RBPJ: variants seen among roughly 807,000 people sequenced by gnomAD.
The protein encoded by RBPJ is recombination signal binding protein for immunoglobulin kappa J region, also known as recombining binding protein suppressor of hairless.
RBPJ carries 9 observed loss-of-function variants against 67.8 expected under a neutral mutation model. That is an observed-to-expected ratio of 0.13 (90% CI 0.08 to 0.23). The LOEUF is 0.23. Ranked by LOEUF, RBPJ falls within the 10% of genes least tolerant of loss-of-function variation. RBPJ has a pLI of 1.00. For synonymous variants in RBPJ, 198 were observed against 203.3 expected, an observed-to-expected ratio of 0.97 and a Z score of 0.22; for missense variants, 305 against 595.6, an observed-to-expected ratio of 0.51 and a Z score of 5.08.
the RBPJ span, among the ~76,000 whole-genome samples, chr4:26,108,473 C>CA: frequency 5.9e-5 from 9 of 152,148 alleles, no homozygotes; most frequent in African/African-American, 1.9e-4. Context: ...AATTCCAAGC[C>CA]AAAAAAACAA....
the RBPJ span, among the ~76,000 whole-genome samples, chr4:26,134,550 T>C: frequency 4.2e-3 from 646 of 152,262 alleles, 2 homozygotes; most frequent in Middle Eastern, 6.8e-3. Flanking sequence ...CTTTGGCCAA[T>C]GGTTTTCCTG....
chr4:26,263,174 T>G (rs761003653), intron 1 of RBPJ, among the ~76,000 whole-genome samples: 56 of 152,256 alleles, frequency 3.7e-4, no homozygotes, highest in Non-Finnish European at 4.1e-4. Flanking sequence ...TAAACCCGAA[T>G]ATAAAACTGC....
intron 1 of RBPJ, among the ~76,000 whole-genome samples, chr4:26,266,612 G>T (rs746090096): frequency 5.3e-5 from 8 of 152,152 alleles, no homozygotes; most frequent in Non-Finnish European, 7.3e-5. Flanking sequence ...TCAGGAGAAA[G>T]AAAAATTCCT....
At chr4:26,290,466 G>C (rs1013971983) in intron 1 of RBPJ, among the ~76,000 whole-genome samples, 9 of 150,506 alleles carry the variant, frequency 6.0e-5, no homozygotes, top group Non-Finnish European at 1.2e-4. Context: ...AGTTTGGCCT[G>C]GGTGTGAGAA....
chr4:26,222,262 G>A (rs902478992), intron 1 of RBPJ, among the ~76,000 whole-genome samples: 10 of 152,166 alleles, frequency 6.6e-5, no homozygotes, highest in African/African-American at 2.4e-4. Flanking sequence ...GGGAGGCCGA[G>A]GCATGTGGAT....
At chr4:26,395,626 G>T (rs1425648526) in intron 2 of RBPJ, among the ~76,000 whole-genome samples, 1 of 152,002 alleles carries the variant, frequency 6.6e-6, no homozygotes, top group Non-Finnish European at 1.5e-5. Flanking sequence ...TTCCTTTGTT[G>T]CCCTGTGATC....
intron 2 of RBPJ, among the ~76,000 whole-genome samples, chr4:26,396,393 C>G (rs1405843126): frequency 6.6e-6 from 1 of 152,206 alleles, no homozygotes; most frequent in African/African-American, 2.4e-5. Flanking sequence ...ACTATGCGGT[C>G]TGATCCCTGG....
chr4:26,372,065 A>G (rs1729209419), intron 1 of RBPJ, among the ~76,000 whole-genome samples: 1 of 152,230 alleles, frequency 6.6e-6, no homozygotes, highest in East Asian at 1.9e-4. Flanking sequence ...TGATACTTAA[A>G]TGAGAATACA....
chr4:26,362,930 T>C (rs911092795), intron 1 of RBPJ, among the ~76,000 whole-genome samples: 1 of 152,218 alleles, frequency 6.6e-6, no homozygotes, highest in African/African-American at 2.4e-5. Flanking sequence ...ATTATTCATG[T>C]ATTACTCTGT....
the RBPJ span, among the ~76,000 whole-genome samples, chr4:26,139,955 T>C: frequency 6.6e-6 from 1 of 152,082 alleles, no homozygotes; most frequent in Non-Finnish European, 1.5e-5. Flanking sequence ...ATGAGAGGGG[T>C]GGGACAGAAT....
chr4:26,305,040 G>A (rs774008389), intron 1 of RBPJ, among the ~76,000 whole-genome samples: 1 of 152,068 alleles, frequency 6.6e-6, no homozygotes, highest in Non-Finnish European at 1.5e-5. Flanking sequence ...CAGGCCCAAT[G>A]TCATTCTTTT....
At chr4:26,307,573 G>T (rs539505216) in intron 1 of RBPJ, among the ~76,000 whole-genome samples, 270 of 152,304 alleles carry the variant, frequency 1.8e-3, no homozygotes, top group Middle Eastern at 3.4e-3. Flanking sequence ...ATGAAAATCA[G>T]ATTTGCATTT....
At chr4:26,220,785 TG>T (rs1718877052) in intron 1 of RBPJ, among the ~76,000 whole-genome samples, 1 of 152,230 alleles carries the variant, frequency 6.6e-6, no homozygotes, top group South Asian at 2.1e-4. Context: ...TTAAGGTGTT[TG>T]TTCCAGATGA....
At chr4:26,160,208 G>A (rs943735264), upstream of RBPJ, among the ~76,000 whole-genome samples, 6 of 152,230 alleles carry the variant, frequency 3.9e-5, no homozygotes, top group African/African-American at 7.2e-5. Context: ...GTGAGCCACC[G>A]TGCCCAGCCA....
chr4:26,316,817 ACC>A (rs1389126698), upstream of RBPJ, among the ~76,000 whole-genome samples: 118 of 115,700 alleles, frequency 1.0e-3, no homozygotes, highest in Non-Finnish European at 1.5e-3. Context: ...TACTGGTCTA[ACC>A]CAGACGACTT....
intron 1 of RBPJ, among the ~76,000 whole-genome samples, chr4:26,173,711 T>C (rs1370106783): frequency 6.6e-6 from 1 of 152,188 alleles, no homozygotes; most frequent in East Asian, 1.9e-4. Context: ...TGCATTTCTT[T>C]GGGGAAATGC....
At chr4:26,357,887 G>A (rs1355626597) in intron 1 of RBPJ, among the ~76,000 whole-genome samples, 11 of 152,048 alleles carry the variant, frequency 7.2e-5, no homozygotes, top group Admixed American at 2.6e-4. Context: ...TCCATGTAGC[G>A]TTGTCAGAAT....
At chr4:26,128,906 C>T in the RBPJ span, among the ~76,000 whole-genome samples, 60 of 152,256 alleles carry the variant, frequency 3.9e-4, no homozygotes, top group Admixed American at 1.9e-3. Context: ...TCTTGTCTGC[C>T]GCCATGTAAG....
At chr4:26,331,583 G>C (rs749462070) in intron 1 of RBPJ, among the ~76,000 whole-genome samples, 1 of 152,186 alleles carries the variant, frequency 6.6e-6, no homozygotes, top group Admixed American at 6.5e-5. Context: ...CTCGGAGCCT[G>C]CCTGCTCTTT....
Sources: allele counts gnomAD v4.1 joint callset (sites outside exome capture counted in the v4.1 genomes callset), GRCh38; gene constraint gnomAD v4.1.1; transcripts MANE v1.5; gene names NCBI Gene and HGNC (gene_info 2026-07-23, HGNC 2026-07-21).